LDB2: variants seen among roughly 807,000 people sequenced by gnomAD.
The protein encoded by LDB2 is LIM domain binding 2, also known as LIM domain-binding protein 2.
Under a neutral mutation model 44.3 loss-of-function variants are expected in LDB2, and 12 were observed. The observed-to-expected ratio is 0.27, with a 90% CI of 0.17 to 0.44. The LOEUF is 0.44. LDB2 is among the 20% of genes least tolerant of loss of function. LDB2 has a pLI of 1.00. For missense variants in LDB2, 344 were observed against 473.5 expected (o/e 0.73, Z 2.54); for synonymous variants, 164 against 174.8 (o/e 0.94, Z 0.49).
chr4:16,880,567 C>T (rs1459253143), intron 1 of LDB2, among the ~76,000 whole-genome samples: 2 of 152,134 alleles, frequency 1.3e-5, no homozygotes, highest in Admixed American at 6.5e-5. Context: ...CTGTGTAAAC[C>T]TCGGAGCCTA....
chr4:16,829,973 C>G (rs944981652), intron 1 of LDB2, among the ~76,000 whole-genome samples: 2 of 151,996 alleles, frequency 1.3e-5, no homozygotes, highest in East Asian at 3.9e-4. Context: ...GGCGTGGTGC[C>G]GTGTGCCTGT....
At chr4:16,781,890 T>A (rs1312738643) in intron 1 of LDB2, among the ~76,000 whole-genome samples, 1 of 151,732 alleles carries the variant, frequency 6.6e-6, no homozygotes, top group African/African-American at 2.4e-5. Flanking sequence ...AAGGTTGGAG[T>A]GTCACATCTA....
chr4:16,505,548 AAAAT>A (rs1243299782), intron 7 of LDB2, among the ~76,000 whole-genome samples: 5 of 152,204 alleles, frequency 3.3e-5, no homozygotes, highest in Non-Finnish European at 5.9e-5. Context: ...ATTCTCACAC[AAAAT>A]AAATAAAGCA....
intron 2 of LDB2, among the ~76,000 whole-genome samples, chr4:16,734,344 A>AAATG (rs911555392): frequency 2.6e-5 from 4 of 152,238 alleles, no homozygotes; most frequent in African/African-American, 9.6e-5. Context: ...GAGAACGAAT[A>AAATG]AATGAATGAA....
chr4:16,722,068 G>T (rs533023199), intron 2 of LDB2, among the ~76,000 whole-genome samples: 10 of 152,258 alleles, frequency 6.6e-5, no homozygotes, highest in South Asian at 4.2e-4. Context: ...TCTAGATTCA[G>T]GTCTGTCAAT....
At chr4:16,522,156 A>G (rs1726354715) in intron 5 of LDB2, among the ~76,000 whole-genome samples, 1 of 152,140 alleles carries the variant, frequency 6.6e-6, no homozygotes, top group African/African-American at 2.4e-5. Context: ...TGCTCTATAC[A>G]TGTTTAATAT....
rs1016415816 is a variant in LDB2, at chr4:16,502,590, A to G, written c.*53T>C. Reference sequence around the variant, plus strand: ...CCTCTCCTGTAAGTAAAGATTTGCAATTGTAATGATCACCCACGGGCCTAT... The same window carrying G: ...CCTCTCCTGTAAGTAAAGATTTGCAGTTGTAATGATCACCCACGGGCCTAT... On this transcript the variant is annotated 3_prime_UTR_variant, in exon 8 of 8. Transcript: ENST00000304523. The G allele has an allele frequency of 1.9e-6, 3 of 1,595,296 alleles. No individual in the cohort carries two copies. Among genetic ancestry groups the G allele is most frequent in the South Asian group, 1.1e-5 (1 of 90,672 alleles).
At chr4:16,891,961 A>T (rs1723537406) in intron 1 of LDB2, among the ~76,000 whole-genome samples, 1 of 152,228 alleles carries the variant, frequency 6.6e-6, no homozygotes, top group Non-Finnish European at 1.5e-5. Context: ...CAATTTATGT[A>T]ACCTGTCAGT....
At chr4:16,861,950 C>A (rs1180870540) in intron 1 of LDB2, among the ~76,000 whole-genome samples, 2 of 152,186 alleles carry the variant, frequency 1.3e-5, no homozygotes, top group African/African-American at 2.4e-5. Flanking sequence ...TGCTCAGATG[C>A]CCCAGCCCTT....
chr4:16,753,447 A>T (rs112184509), intron 2 of LDB2, among the ~76,000 whole-genome samples: 1 of 152,178 alleles, frequency 6.6e-6, no homozygotes. Flanking sequence ...CTGCAAAGCT[A>T]TTGGAGCTTT....
chr4:16,731,254 T>C (rs1760690672), intron 2 of LDB2, among the ~76,000 whole-genome samples: 1 of 152,158 alleles, frequency 6.6e-6, no homozygotes, highest in African/African-American at 2.4e-5. Context: ...TGGATTGGAT[T>C]GAAATTAAAA....
rs571315386 is a variant in LDB2 at position 16,713,926 on chromosome 4, A to T, written c.235+45232T>A. On this transcript the variant is annotated intron_variant, in intron 2 of 7. Transcript: ENST00000304523. ...ATTCTGTGTGGATGTCCATTGATAGATTATTTCTGTCTGAGATCATCAGAA... is the reference window on the plus strand; with the variant it reads ...ATTCTGTGTGGATGTCCATTGATAGTTTATTTCTGTCTGAGATCATCAGAA... Among the ~76,000 whole-genome samples the T allele has an allele frequency of 5.3e-5, 8 of 152,318 alleles. No homozygotes were observed. The South Asian group carries it at 8.3e-4, about 16-fold the overall frequency.
intron 5 of LDB2, among the ~76,000 whole-genome samples, chr4:16,566,456 A>G (rs1169233208): frequency 6.6e-6 from 1 of 151,956 alleles, no homozygotes; most frequent in East Asian, 1.9e-4. Context: ...TCAGTCAATG[A>G]ATAGTGTTTG....
intron 5 of LDB2, among the ~76,000 whole-genome samples, chr4:16,529,138 G>A (rs1368736501): frequency 2.0e-5 from 3 of 152,190 alleles, no homozygotes; most frequent in Admixed American, 2.0e-4. Flanking sequence ...CTATACAGAT[G>A]AGGAAAGGGA....
At chr4:16,766,425 T>C (rs1470437994) in intron 1 of LDB2, among the ~76,000 whole-genome samples, 1 of 151,012 alleles carries the variant, frequency 6.6e-6, no homozygotes, top group Non-Finnish European at 1.5e-5. Flanking sequence ...TATGTCTATA[T>C]ATAAATGTAT....
intron 2 of LDB2, among the ~76,000 whole-genome samples, chr4:16,699,677 CTG>C (rs1752994040): frequency 6.6e-6 from 1 of 152,060 alleles, no homozygotes; most frequent in Non-Finnish European, 1.5e-5. Flanking sequence ...AAAATAAAAA[CTG>C]TAGAGAAAAG....
chr4:16,639,298 A>G lies in LDB2; in HGVS notation c.236-43423T>C, dbSNP rs149149662. ...GCTAATTGTGCTAACAATTGGGTCT[A>G]TAGAAATTTAGCATGGGCGTGACTT... On this transcript the variant is annotated intron_variant, in intron 2 of 7. Coordinates refer to ENST00000304523, the MANE Select transcript of LDB2 (RefSeq NM_001290.5). Among the ~76,000 whole-genome samples, 949 of 152,344 alleles carry G rather than the reference A, an allele frequency of 6.2e-3. 12 individuals are homozygous for G. Among genetic ancestry groups the G allele is most frequent in the Admixed American group, 0.03 (466 of 15,300 alleles).
chr4:16,776,003 C>T (rs930928928), intron 1 of LDB2, among the ~76,000 whole-genome samples: 1 of 152,198 alleles, frequency 6.6e-6, no homozygotes, highest in Non-Finnish European at 1.5e-5. Flanking sequence ...CTAGAGATCA[C>T]AACTTGCAAG....
chr4:16,737,615 A>G (rs1176127864), intron 2 of LDB2, among the ~76,000 whole-genome samples: 1 of 152,206 alleles, frequency 6.6e-6, no homozygotes, highest in Admixed American at 6.5e-5. Flanking sequence ...AGAGGCATTA[A>G]AAGGGACATA....
Sources: allele counts gnomAD v4.1 joint callset (sites outside exome capture counted in the v4.1 genomes callset), GRCh38; gene constraint gnomAD v4.1.1; transcripts MANE v1.5; gene names NCBI Gene and HGNC (gene_info 2026-07-23, HGNC 2026-07-21).